Variants in GRIP1 observed in about 807,000 individuals in gnomAD.
GRIP1 encodes glutamate receptor interacting protein 1.
Under a neutral mutation model 129.9 loss-of-function variants are expected in GRIP1, and 45 were observed. The observed-to-expected ratio is 0.35, with a 90% confidence interval of 0.27 to 0.44. GRIP1 has a LOEUF of 0.44. GRIP1 is among the 20% of genes least tolerant of loss of function. GRIP1 has a pLI of 1.00. For missense variants in GRIP1, 1,196 were observed against 1,396.8 expected, an observed-to-expected ratio of 0.86 and a Z score of 2.29; for synonymous variants, 530 against 520.8, an observed-to-expected ratio of 1.02 and a Z score of -0.24.
chr12:66,427,602 T>C (rs1354075995), intron 14 of GRIP1, among the ~76,000 whole-genome samples: 1 of 152,126 alleles, frequency 6.6e-6, no homozygotes, highest in Non-Finnish European at 1.5e-5. Context: ...TATTAACATA[T>C]GTTCTTATGT....
At chr12:66,752,263 G>A (rs2037151860) in intron 1 of GRIP1, among the ~76,000 whole-genome samples, 1 of 152,190 alleles carries the variant, frequency 6.6e-6, no homozygotes, top group Non-Finnish European at 1.5e-5. Context: ...TGGTTGGGGT[G>A]TCAAGCATTT....
intron 1 of GRIP1, among the ~76,000 whole-genome samples, chr12:67,010,073 T>C (rs950901209): frequency 5.3e-5 from 8 of 152,190 alleles, no homozygotes; most frequent in African/African-American, 1.4e-4. Flanking sequence ...GCAAGATTTC[T>C]ATAGGTATAC....
chr12:66,830,525 G>A (rs956477656), intron 1 of GRIP1, among the ~76,000 whole-genome samples: 4 of 152,148 alleles, frequency 2.6e-5, no homozygotes, highest in Non-Finnish European at 5.9e-5. Context: ...GTCTCTTGTG[G>A]CACCTCCAGA....
chr12:66,472,551 A>G (rs1720068730), intron 7 of GRIP1, among the ~76,000 whole-genome samples: 1 of 152,206 alleles, frequency 6.6e-6, no homozygotes, highest in Non-Finnish European at 1.5e-5. Context: ...TCAAATAGGA[A>G]CAGCTCCAGT....
At chr12:66,858,314 T>G (rs749958866) in intron 1 of GRIP1, among the ~76,000 whole-genome samples, 41 of 152,044 alleles carry the variant, frequency 2.7e-4, no homozygotes, top group Non-Finnish European at 5.0e-4. Flanking sequence ...TTACTGCTTC[T>G]TTGCAAGAAT....
At chr12:67,044,401 T>C (rs1260626532) in intron 1 of GRIP1, among the ~76,000 whole-genome samples, 4 of 152,226 alleles carry the variant, frequency 2.6e-5, no homozygotes, top group African/African-American at 4.8e-5. Context: ...TCTGGTATTA[T>C]TCCCTGGGGA....
At chr12:66,974,344 A>G (rs2042121398) in intron 1 of GRIP1, among the ~76,000 whole-genome samples, 1 of 152,160 alleles carries the variant, frequency 6.6e-6, no homozygotes, top group South Asian at 2.1e-4. Context: ...CTTAGTACTT[A>G]TACCCATCCA....
intron 5 of GRIP1, among the ~76,000 whole-genome samples, chr12:66,526,941 G>T (rs1341459464): frequency 7.3e-6 from 1 of 136,996 alleles, no homozygotes; most frequent in Non-Finnish European, 1.6e-5. Context: ...ATCATCACTG[G>T]CCATCAGAGA....
chr12:66,628,784 T>C (rs2030402995), intron 1 of GRIP1, among the ~76,000 whole-genome samples: 1 of 152,148 alleles, frequency 6.6e-6, no homozygotes, highest in Admixed American at 6.6e-5. Context: ...CACCCAGCAA[T>C]GCCCAGAACA....
At chr12:66,754,502 G>A (rs954706510) in intron 1 of GRIP1, among the ~76,000 whole-genome samples, 19 of 152,082 alleles carry the variant, frequency 1.2e-4, no homozygotes, top group Non-Finnish European at 2.4e-4. Flanking sequence ...TTTAAATAAC[G>A]AGAGAGACAA....
rs534944152 is a variant in GRIP1 at position 66,777,295 on chromosome 12, C to T, written c.-420+26758G>A. Reference sequence around the variant, plus strand: ...CTGCTCCTCAAATGTGACAGGTACCCTCCCAACTTGGTCTTGGTGCTGCCC... The same window carrying T: ...CTGCTCCTCAAATGTGACAGGTACCTTCCCAACTTGGTCTTGGTGCTGCCC... On this transcript the variant is annotated intron_variant, in intron 1 of 4. Transcript: ENST00000538373. 1.4e-3 allele frequency among the ~76,000 whole-genome samples: 207 copies of T among 152,196 alleles called. 2 individuals are homozygous for T. The highest frequency in any genetic ancestry group is 6.8e-3 in the Middle Eastern group (2 of 294).
Position 66,445,315 on chromosome 12 carries a change from G to A in GRIP1, c.1541+7C>T, listed in dbSNP as rs2138112257. 1 of 1,611,378 alleles carries A rather than the reference G, an allele frequency of 6.2e-7. No individual in the cohort carries two copies. The highest frequency in any genetic ancestry group is 2.2e-5 in the East Asian group (1 of 44,866). On this transcript the variant is annotated splice_region_variant and intron_variant, in intron 12 of 24. Coordinates refer to ENST00000359742, the MANE Select transcript of GRIP1 (RefSeq NM_001366722.1). ...AGAAAATGATGCTGTGAAAGAAAGT[G>A]TCTCACCTCTCTGCTGGGCTGTCAG...
intron 1 of GRIP1, among the ~76,000 whole-genome samples, chr12:66,906,123 C>A (rs960575496): frequency 3.3e-5 from 5 of 152,064 alleles, no homozygotes; most frequent in African/African-American, 1.2e-4. Flanking sequence ...CATTTAAAAT[C>A]AAGGTAGGGC....
intron 22 of GRIP1, among the ~76,000 whole-genome samples, chr12:66,373,754 A>G (rs1037240409): frequency 6.6e-6 from 1 of 152,272 alleles, no homozygotes; most frequent in African/African-American, 2.4e-5. Context: ...AGACTTGCTG[A>G]TCACTGAACA....
chr12:66,960,213 G>A (rs2041903159), intron 1 of GRIP1, among the ~76,000 whole-genome samples: 2 of 152,132 alleles, frequency 1.3e-5, no homozygotes, highest in South Asian at 4.1e-4. Flanking sequence ...GGAATGAACT[G>A]TACAGAAGCA....
At chr12:66,571,861 C>T (rs781271077) in intron 2 of GRIP1, among the ~76,000 whole-genome samples, 6 of 152,226 alleles carry the variant, frequency 3.9e-5, no homozygotes, top group East Asian at 1.9e-4. Flanking sequence ...CAACAGGGCT[C>T]GGAGTTAGGT....
At chr12:66,501,542 A>T (rs936418615) in intron 7 of GRIP1, among the ~76,000 whole-genome samples, 3 of 152,186 alleles carry the variant, frequency 2.0e-5, no homozygotes, top group East Asian at 1.9e-4. Flanking sequence ...TCTATAAAAG[A>T]TGGCCTCAGA....
chr12:66,737,608 C>G (rs960221707), intron 1 of GRIP1, among the ~76,000 whole-genome samples: 1 of 152,160 alleles, frequency 6.6e-6, no homozygotes, highest in Admixed American at 6.5e-5. Context: ...ATCTCTCCAG[C>G]ATTTCCAGCA....
At chr12:66,770,966 G>A (rs148270731) in intron 1 of GRIP1, among the ~76,000 whole-genome samples, 6 of 152,070 alleles carry the variant, frequency 3.9e-5, no homozygotes, top group South Asian at 2.1e-4. Context: ...ATGGTGGTGC[G>A]CCTGTAATCC....
Sources: gnomAD v4.1 joint callset for allele counts (sites outside exome capture counted in the v4.1 genomes callset) on GRCh38, gnomAD v4.1.1 for gene constraint, MANE v1.5 for transcripts, NCBI Gene and HGNC (gene_info 2026-07-23, HGNC 2026-07-21) for gene names.